The following FAM169A variants were observed in gnomAD, a reference collection of about 807,000 sequenced individuals.
The protein encoded by FAM169A is soluble lamin-associated protein of 75 kDa.
A neutral mutation model predicts 75.7 loss-of-function variants in FAM169A; 24 were observed. The observed-to-expected ratio is 0.32, with a 90% CI of 0.23 to 0.45. The LOEUF (loss-of-function observed/expected upper bound fraction) is 0.45, where lower values mean the gene tolerates loss of function less well. Ranked by LOEUF, FAM169A falls within the 20% of genes least tolerant of loss-of-function variation. The pLI, the probability that FAM169A is intolerant of heterozygous loss-of-function variation, is 1.00. For synonymous variants in FAM169A, 271 were observed against 271.0 expected, an observed-to-expected ratio of 1.00 and a Z score of 0.00; for missense variants, 673 against 784.0, an observed-to-expected ratio of 0.86 and a Z score of 1.69.
intron 5 of FAM169A, among the ~76,000 whole-genome samples, chr5:74,822,784 CA>C (rs1747828787): frequency 6.6e-6 from 1 of 152,116 alleles, no homozygotes; most frequent in Admixed American, 6.6e-5. Context: ...ATGCCCATGT[CA>C]AAATTGAACT....
chr5:74,781,648 T>G lies in FAM169A; in HGVS notation c.1825A>C (p.Asn609His). The G allele has an allele frequency of 6.2e-7, 1 of 1,614,146 alleles. No individual in the cohort carries two copies. Among genetic ancestry groups the G allele is most frequent in the Admixed American group, 1.7e-5 (1 of 60,018 alleles). Residue 609 changes from asparagine to histidine, a missense_variant, in exon 13 of 13, where the codon AAT becomes CAT. Asn to His is a moderately conservative substitution (Grantham distance 68). Around this residue, in one of 3 missense-constraint regions of FAM169A, gnomAD observed 510 missense variants for 550.9 expected, o/e 0.93. Coordinates refer to ENST00000687041, the MANE Select transcript of FAM169A (RefSeq NM_001376049.1). The stretch of plus-strand genomic sequence containing the variant: ...GCTTCAGACTGCTCCTCTGACTGAT[T>G]CTTCTGTCCTGCATTCTGTGAAAAT... Reference protein sequence around the residue: ...VPFSQNAGQKNQSEEQSEASS... With the variant: ...VPFSQNAGQKHQSEEQSEASS...
intron 5 of FAM169A, among the ~76,000 whole-genome samples, chr5:74,827,709 C>A (rs1479830875): frequency 1.3e-5 from 2 of 149,542 alleles, no homozygotes; most frequent in African/African-American, 2.5e-5. Flanking sequence ...GTCACCCAGG[C>A]TGGAGTGCAA....
At chr5:74,791,992 C>T (rs545407111) in intron 11 of FAM169A, among the ~76,000 whole-genome samples, 2 of 152,206 alleles carry the variant, frequency 1.3e-5, no homozygotes, top group South Asian at 4.2e-4. Context: ...ATTTTATTTC[C>T]CTTTTCCTTT....
At chr5:74,848,354 C>G (rs1382689275) in intron 1 of FAM169A, among the ~76,000 whole-genome samples, 2 of 152,102 alleles carry the variant, frequency 1.3e-5, no homozygotes, top group African/African-American at 4.8e-5. Flanking sequence ...GTTCAAGAGA[C>G]TTGACTAACA....
At chr5:74,816,832 G>A (rs1488856473) in intron 5 of FAM169A, among the ~76,000 whole-genome samples, 1 of 152,070 alleles carries the variant, frequency 6.6e-6, no homozygotes, top group African/African-American at 2.4e-5. Flanking sequence ...TATGTGCTCT[G>A]AGTATTGTTA....
intron 1 of FAM169A, among the ~76,000 whole-genome samples, chr5:74,852,176 C>T (rs6871873): frequency 0.022 from 3,381 of 152,266 alleles, 122 homozygotes; most frequent in African/African-American, 0.077. Context: ...CTAGTATTTT[C>T]ACTAGACAAC....
At chr5:74,795,900 A>G (rs1561292445) in intron 11 of FAM169A, 130 bp downstream of exon 11, 1 of 850,662 alleles carries the variant, frequency 1.2e-6, no homozygotes, top group Non-Finnish European at 1.8e-6. Context: ...CTTAATATAT[A>G]TGATTTTTAA....
rs145502141 is a variant in FAM169A, at chr5:74,834,995, C to T, written c.319-398G>A. ...TACTTCAACTGCTTTTCAGTCTCCACATTTAAAAAAAAAAAAAAAAAGGCA... is the reference window on the plus strand; with the variant it reads ...TACTTCAACTGCTTTTCAGTCTCCATATTTAAAAAAAAAAAAAAAAAGGCA... On this transcript the variant is annotated intron_variant, in intron 4 of 12. Coordinates refer to ENST00000687041, the MANE Select transcript of FAM169A (RefSeq NM_001376049.1). 4.3e-3 allele frequency among the ~76,000 whole-genome samples: 527 copies of T among 121,202 alleles called. 5 individuals carry two copies. Among genetic ancestry groups the T allele is most frequent in the South Asian group, 0.02 (81 of 4,010 alleles). The allele number at this position is 121,202 out of a possible 152,430, so 79.5% of individuals were successfully genotyped here.
intron 4 of FAM169A, 119 bp from the exon 5 acceptor site, chr5:74,834,716 T>A: frequency 1.4e-6 from 1 of 713,676 alleles, no homozygotes; most frequent in Non-Finnish European, 2.0e-6. Flanking sequence ...TTCAAATGCA[T>A]TCAAAAAAAT....
In FAM169A at chr5:74,857,571, G is replaced by GAAAAAAAAAAAAAAAAAAA; in HGVS notation, c.-4+8593_-4+8594insTTTTTTTTTTTTTTTTTTT. Reference sequence around the variant, plus strand: ...GGTGACAGAGCCAGACCTTGCCGCGGGAAAAAAAAAAAAAAAAAAAAAAAA... The same window carrying GAAAAAAAAAAAAAAAAAAA: ...GGTGACAGAGCCAGACCTTGCCGCGGAAAAAAAAAAAAAAAAAAAGAAAAAAAAAAAAAAAAAAAAAAAA... On this transcript the variant is annotated intron_variant, in intron 1 of 12. Transcript: ENST00000687041. Among the ~76,000 whole-genome samples, 2 of 65,722 alleles carry GAAAAAAAAAAAAAAAAAAA rather than the reference G, an allele frequency of 3.0e-5. 1 individual carries two copies. The highest frequency in any genetic ancestry group is 3.3e-4 in the Admixed American group (2 of 6,132). 43.1% of individuals were successfully genotyped at this position (65,722 alleles called of 152,430 possible).
In FAM169A at chr5:74,807,263, C is replaced by A. The variant is rs192009285; in HGVS notation, c.671-1979G>T. 1.3e-3 allele frequency among the ~76,000 whole-genome samples: 197 copies of A among 152,292 alleles called. 2 individuals are homozygous for A. Among genetic ancestry groups the A allele is most frequent in the African/African-American group, 4.5e-3 (189 of 41,568 alleles). On this transcript the variant is annotated intron_variant, in intron 6 of 12. Coordinates refer to ENST00000687041, the MANE Select transcript of FAM169A (RefSeq NM_001376049.1). Reference sequence around the variant, plus strand: ...TGAACACTTACAGTTCAGAACACAGCCTTCAGCCTATAGCCGGGCAAAATC... The same window carrying A: ...TGAACACTTACAGTTCAGAACACAGACTTCAGCCTATAGCCGGGCAAAATC...
At position 74,779,691 on chromosome 5, in the gene FAM169A, A is replaced by C. The variant is rs1032968350; in HGVS notation, c.*1769T>G. On this transcript the variant is annotated 3_prime_UTR_variant, in exon 13 of 13. Coordinates refer to ENST00000687041, the MANE Select transcript of FAM169A (RefSeq NM_001376049.1). ...GGCCAAAGTGCTTTAATTTTCATTT[A>C]GAATGAAATAATCTGGCTTACCTTT... 1 of 152,132 alleles carries C rather than the reference A, an allele frequency of 6.6e-6. No homozygotes were observed. The highest frequency in any genetic ancestry group is 1.5e-5 in the Non-Finnish European group (1 of 68,006). 9.4% of individuals were successfully genotyped at this position (152,132 alleles called of 1,614,324 possible).
At chr5:74,833,001 GAGA>G (rs563952912) in intron 5 of FAM169A, among the ~76,000 whole-genome samples, 24 of 152,176 alleles carry the variant, frequency 1.6e-4, no homozygotes, top group African/African-American at 5.1e-4. Context: ...CTAGGTGCCA[GAGA>G]AGGAGCCTCA....
In FAM169A at chr5:74,781,452, T is replaced by G; in HGVS notation, c.*8A>C. 1 of 1,605,762 alleles carries G rather than the reference T, an allele frequency of 6.2e-7. No individual in the cohort carries two copies. ...AGAAGAGGATTTATCATCCACTTTC[T>G]TCTTCCTTCAGGTCAGCTTAGCTTT... On this transcript the variant is annotated 3_prime_UTR_variant, in exon 13 of 13. Transcript: ENST00000687041.
chr5:74,797,349 GTAT>G (rs1746332599), intron 10 of FAM169A, among the ~76,000 whole-genome samples: 1 of 152,074 alleles, frequency 6.6e-6, no homozygotes, highest in South Asian at 2.1e-4. Context: ...GCTAATTTTT[GTAT>G]TTTTAGTAGT....
chr5:74,815,532 G>T (rs1322423366), intron 5 of FAM169A, among the ~76,000 whole-genome samples: 1 of 152,110 alleles, frequency 6.6e-6, no homozygotes, highest in African/African-American at 2.4e-5. Context: ...ATTTCTAAGG[G>T]TCTAGATTTC....
At chr5:74,804,704 G>A in intron 7 of FAM169A, 99 bp from the exon 8 acceptor site, 1 of 609,962 alleles carries the variant, frequency 1.6e-6, no homozygotes, top group Admixed American at 3.1e-5. Flanking sequence ...GAGCAGCCTG[G>A]ACAGAAGGGT....
chr5:74,802,162 C>T (rs1216452246), intron 8 of FAM169A, among the ~76,000 whole-genome samples: 2 of 152,190 alleles, frequency 1.3e-5, no homozygotes, highest in East Asian at 1.9e-4. Context: ...TCCTAACTCA[C>T]ATGTAATCAA....
At chr5:74,855,944 G>T (rs1482335797) in intron 1 of FAM169A, among the ~76,000 whole-genome samples, 1 of 152,162 alleles carries the variant, frequency 6.6e-6, no homozygotes, top group Non-Finnish European at 1.5e-5. Context: ...AATCCATTTT[G>T]ATTTGGTTTT....
Sources: gnomAD v4.1 joint callset for allele counts (sites outside exome capture counted in the v4.1 genomes callset) on GRCh38, gnomAD v4.1.1 for gene constraint, gnomAD v4.1.1 regional missense constraint, MANE v1.5 for transcripts, NCBI Gene and HGNC (gene_info 2026-07-23, HGNC 2026-07-21) for gene names.